The following ATE1 variants were observed in gnomAD, a reference collection of about 807,000 sequenced individuals.
ATE1 encodes the protein arginyltransferase 1.
Under a neutral mutation model 70.5 loss-of-function variants are expected in ATE1, and 36 were observed. That is an observed-to-expected ratio of 0.51 (90% CI 0.39 to 0.67). The LOEUF (loss-of-function observed/expected upper bound fraction) is 0.67. Ranked by LOEUF, ATE1 falls within the 30% of genes least tolerant of loss-of-function variation. The pLI is 0.00. For missense variants in ATE1, 593 were observed against 629.5 expected (o/e 0.94, Z 0.62); for synonymous variants, 232 against 219.3 (o/e 1.06, Z -0.51).
chr10:121,852,371 AAAAT>A (rs1334813789), intron 8 of ATE1, among the ~76,000 whole-genome samples: 1 of 152,224 alleles, frequency 6.6e-6, no homozygotes, highest in Non-Finnish European at 1.5e-5. Context: ...GCATTGTGTT[AAAAT>A]AACTCACTCC....
At chr10:121,758,643 T>C (rs2135764195) in intron 11 of ATE1, among the ~76,000 whole-genome samples, 1 of 152,342 alleles carries the variant, frequency 6.6e-6, no homozygotes, top group Admixed American at 6.5e-5. Context: ...AGGGTTTGTT[T>C]GTTTGTTTGT....
chr10:121,758,097 G>C (rs1421589644), intron 11 of ATE1, among the ~76,000 whole-genome samples: 1 of 152,188 alleles, frequency 6.6e-6, no homozygotes, highest in Non-Finnish European at 1.5e-5. Context: ...CAAGAACAAA[G>C]AAGGTACTAT....
At chr10:121,918,110 G>A (rs1229313563) in intron 3 of ATE1, among the ~76,000 whole-genome samples, 9 of 152,154 alleles carry the variant, frequency 5.9e-5, no homozygotes, top group African/African-American at 2.2e-4. Flanking sequence ...CAAGGCAGGC[G>A]GATCATGAGG....
intron 10 of ATE1, among the ~76,000 whole-genome samples, chr10:121,790,578 C>G (rs1051140678): frequency 1.3e-5 from 2 of 152,160 alleles, no homozygotes; most frequent in African/African-American, 2.4e-5. Context: ...GTGATTCTTG[C>G]TGAGCTGACT....
rs532195413 is a variant in ATE1, at chr10:121,875,487, T to C, written c.943-5449A>G. Among the ~76,000 whole-genome samples the C allele has an allele frequency of 4.6e-5, 7 of 152,082 alleles. No homozygotes were observed. The South Asian group carries it at 1.5e-3, about 32-fold the overall frequency. ...GCCTGGCTAATTCTTGTATTTTTAGTAGAGACGGGGTTTCACCATGTTGGC... is the reference window on the plus strand; with the variant it reads ...GCCTGGCTAATTCTTGTATTTTTAGCAGAGACGGGGTTTCACCATGTTGGC... On this transcript the variant is annotated intron_variant, in intron 7 of 11. Coordinates refer to ENST00000224652, the MANE Select transcript of ATE1 (RefSeq NM_001001976.3).
chr10:121,783,009 T>C (rs760399018), intron 11 of ATE1, among the ~76,000 whole-genome samples: 9 of 152,228 alleles, frequency 5.9e-5, no homozygotes, highest in Admixed American at 1.3e-4. Flanking sequence ...CTCCCCGTTA[T>C]ATAATCTATT....
At chr10:121,856,314 G>A (rs949265729) in intron 8 of ATE1, among the ~76,000 whole-genome samples, 2 of 151,816 alleles carry the variant, frequency 1.3e-5, no homozygotes, top group Non-Finnish European at 1.5e-5. Flanking sequence ...CAGATCACTT[G>A]AGGGCAGGAG....
intron 10 of ATE1, among the ~76,000 whole-genome samples, chr10:121,806,348 G>A (rs1303287741): frequency 6.6e-6 from 1 of 152,118 alleles, no homozygotes; most frequent in Non-Finnish European, 1.5e-5. Flanking sequence ...AGCTACTTGA[G>A]GGGCTGAAGT....
At position 121,752,234 on chromosome 10, in the gene ATE1, G is replaced by GT. The variant is rs767272285; in HGVS notation, c.1379-8377dup. Among the ~76,000 whole-genome samples, 881 of 122,216 alleles carry GT rather than the reference G, an allele frequency of 7.2e-3. 10 individuals are homozygous for GT. Among genetic ancestry groups the GT allele is most frequent in the African/African-American group, 0.018 (596 of 33,290 alleles). The allele number at this position is 122,216 out of a possible 152,430, so 80.2% of individuals were successfully genotyped here. ...ATTTACTCCAATTTATATTTCTAAG[G>GT]TTTTTTTTTTTTTTGAGACGCAGTC... On this transcript the variant is annotated intron_variant, in intron 11 of 11. Transcript: ENST00000224652.
chr10:121,891,128 G>C (rs1054042533), intron 7 of ATE1, among the ~76,000 whole-genome samples: 1 of 152,210 alleles, frequency 6.6e-6, no homozygotes, highest in African/African-American at 2.4e-5. Flanking sequence ...TCCTCAAGCT[G>C]AGAAAGTGGG....
chr10:121,760,153 G>A (rs931533699), intron 11 of ATE1, among the ~76,000 whole-genome samples: 1 of 152,226 alleles, frequency 6.6e-6, no homozygotes, highest in African/African-American at 2.4e-5. Flanking sequence ...TTACCCAAGA[G>A]TTCCGATGAA....
At chr10:121,927,375 T>C (rs1366737766) in intron 1 of ATE1, 14 of 982,618 alleles carry the variant, frequency 1.4e-5, no homozygotes, top group African/African-American at 3.6e-5. Flanking sequence ...TGCAAAGGGC[T>C]CATCCTTCCT....
In ATE1 at chr10:121,776,776, T is replaced by C. The variant is rs571733027; in HGVS notation, c.1378+13393A>G. Among the ~76,000 whole-genome samples the C allele has an allele frequency of 3.9e-5, 6 of 152,374 alleles. No individual in the cohort carries two copies. In the South Asian group the frequency reaches 1.2e-3, roughly 32 times the overall value. Reference sequence around the variant, plus strand: ...CACAGATACATGAAAGTGAGTATTATATGTCAACATAAAATGCATGTCTTA... The same window carrying C: ...CACAGATACATGAAAGTGAGTATTACATGTCAACATAAAATGCATGTCTTA... On this transcript the variant is annotated intron_variant, in intron 11 of 11. Coordinates refer to ENST00000224652, the MANE Select transcript of ATE1 (RefSeq NM_001001976.3).
intron 10 of ATE1, among the ~76,000 whole-genome samples, chr10:121,794,727 C>T (rs1946594650): frequency 5.0e-5 from 7 of 139,964 alleles, no homozygotes; most frequent in South Asian, 4.5e-4. Flanking sequence ...CTTAAACATA[C>T]GAATGGCCCC....
chr10:121,754,950 A>G (rs1169567486), intron 11 of ATE1, among the ~76,000 whole-genome samples: 2 of 152,216 alleles, frequency 1.3e-5, no homozygotes, highest in Non-Finnish European at 2.9e-5. Flanking sequence ...TCTAATTACA[A>G]AGAAATACTT....
intron 1 of ATE1, among the ~76,000 whole-genome samples, chr10:121,925,188 A>G (rs1952037238): frequency 6.6e-6 from 1 of 152,222 alleles, no homozygotes; most frequent in African/African-American, 2.4e-5. Context: ...TTGGAGGCCA[A>G]GATGGGCAGA....
intron 11 of ATE1, among the ~76,000 whole-genome samples, chr10:121,752,587 G>GT (rs1944633496): frequency 6.6e-6 from 1 of 152,122 alleles, no homozygotes; most frequent in Non-Finnish European, 1.5e-5. Flanking sequence ...TTTAATTTTT[G>GT]TATATGGTGT....
At chr10:121,778,207 G>C (rs953756423) in intron 11 of ATE1, among the ~76,000 whole-genome samples, 2 of 152,174 alleles carry the variant, frequency 1.3e-5, no homozygotes, top group African/African-American at 4.8e-5. Context: ...AGCTTTAAAA[G>C]TTGAGACAAC....
At position 121,743,550 on chromosome 10, in the gene ATE1, G is replaced by T; in HGVS notation, c.*130C>A. The T allele has an allele frequency of 7.3e-7, 1 of 1,377,580 alleles. No homozygotes were observed. Among genetic ancestry groups the T allele is most frequent in the Non-Finnish European group, 9.4e-7 (1 of 1,069,202 alleles). 85.3% of individuals were successfully genotyped at this position (1,377,580 alleles called of 1,614,324 possible). The stretch of plus-strand genomic sequence containing the variant: ...CATTGCCACAAAATATTTTTTAAAA[G>T]CCATAGATAGTCAAAATAAAAAATG... On this transcript the variant is annotated 3_prime_UTR_variant, in exon 12 of 12. Coordinates refer to ENST00000224652, the MANE Select transcript of ATE1 (RefSeq NM_001001976.3).
Sources: allele counts gnomAD v4.1 joint callset (sites outside exome capture counted in the v4.1 genomes callset), GRCh38; gene constraint gnomAD v4.1.1; transcripts MANE v1.5; gene names NCBI Gene and HGNC (gene_info 2026-07-23, HGNC 2026-07-21).